Variants in EPC2 observed in about 807,000 individuals in gnomAD.
The protein encoded by EPC2 is enhancer of polycomb homolog 2.
Under a neutral mutation model 92.1 loss-of-function variants are expected in EPC2, and 14 were observed. That is an observed-to-expected ratio of 0.15 (90% CI 0.10 to 0.24). EPC2 has a LOEUF of 0.24. Ranked by LOEUF, EPC2 falls within the 10% of genes least tolerant of loss-of-function variation. The pLI is 1.00. For missense variants in EPC2, 755 were observed against 971.5 expected (o/e 0.78, Z 2.96); for synonymous variants, 340 against 334.7 (o/e 1.02, Z -0.17).
intron 10 of EPC2, 55 bp downstream of exon 10, chr2:148,771,442 AT>A: frequency 7.0e-7 from 1 of 1,438,256 alleles, no homozygotes; most frequent in South Asian, 1.4e-5. Context: ...ACTTAATTTT[AT>A]TGGGAAAGGA....
chr2:148,740,766 A>C (rs555105837), intron 2 of EPC2, among the ~76,000 whole-genome samples: 1 of 152,300 alleles, frequency 6.6e-6, no homozygotes, highest in South Asian at 2.1e-4. Context: ...ATATTGTGTT[A>C]ACTCTGCTCC....
intron 4 of EPC2, among the ~76,000 whole-genome samples, chr2:148,757,793 C>A (rs935454778): frequency 6.6e-6 from 1 of 152,044 alleles, no homozygotes; most frequent in African/African-American, 2.4e-5. Context: ...CAAAATTGCG[C>A]CATTGCACTC....
chr2:148,784,515 G>C (rs1683822976), intron 12 of EPC2, among the ~76,000 whole-genome samples, 153 bp from the exon 13 acceptor site: 1 of 152,218 alleles, frequency 6.6e-6, no homozygotes, highest in Admixed American at 6.5e-5. Flanking sequence ...ATTCTACTTA[G>C]TGATCAGAAG....
At chr2:148,725,021 T>C (rs947478368) in intron 2 of EPC2, among the ~76,000 whole-genome samples, 4 of 152,100 alleles carry the variant, frequency 2.6e-5, no homozygotes, top group African/African-American at 9.7e-5. Flanking sequence ...GGCCTTGTTC[T>C]AGTAGTATTT....
intron 1 of EPC2, among the ~76,000 whole-genome samples, chr2:148,664,742 C>T (rs1236837560): frequency 6.6e-6 from 1 of 152,298 alleles, no homozygotes; most frequent in East Asian, 1.9e-4. Context: ...ACAGTATATA[C>T]TCTTTTTCTT....
At chr2:148,653,094 G>A (rs1485490630) in intron 1 of EPC2, among the ~76,000 whole-genome samples, 2 of 152,196 alleles carry the variant, frequency 1.3e-5, no homozygotes, top group Non-Finnish European at 2.9e-5. Context: ...AAGACTAAAT[G>A]TCTTGAGGGA....
chr2:148,748,163 A>T lies in EPC2; in HGVS notation c.459+4396A>T, dbSNP rs144475424. Among the ~76,000 whole-genome samples, 99 of 152,138 alleles carry T rather than the reference A, an allele frequency of 6.5e-4. 1 individual carries two copies. Among genetic ancestry groups the T allele is most frequent in the African/African-American group, 2.3e-3 (95 of 41,522 alleles). On this transcript the variant is annotated intron_variant, in intron 3 of 13. Coordinates refer to ENST00000258484, the MANE Select transcript of EPC2 (RefSeq NM_015630.4). ...AAACTTGTTCTCACAAGAATATTTA[A>T]GTGTATAGCACCTCCCCCTTCTCTC...
At chr2:148,671,725 T>C (rs188543821) in intron 1 of EPC2, among the ~76,000 whole-genome samples, 39 of 152,316 alleles carry the variant, frequency 2.6e-4, no homozygotes, top group Non-Finnish European at 1.3e-4. Context: ...TGGTAAACTT[T>C]TGTCCGTCCC....
chr2:148,690,064 A>T (rs1354580175), intron 1 of EPC2, 150 bp from the exon 2 acceptor site: 3 of 645,314 alleles, frequency 4.6e-6, no homozygotes, highest in Admixed American at 7.3e-5. Flanking sequence ...GAGAATGATG[A>T]CAATGTAACT....
intron 1 of EPC2, among the ~76,000 whole-genome samples, chr2:148,646,850 G>A (rs1411095144): frequency 6.6e-6 from 1 of 151,974 alleles, no homozygotes; most frequent in Admixed American, 6.6e-5. Context: ...GGTGGGTCAC[G>A]CCTGTAATCC....
chr2:148,730,992 G>A (rs1053219676), intron 2 of EPC2, among the ~76,000 whole-genome samples: 1 of 152,114 alleles, frequency 6.6e-6, no homozygotes, highest in Admixed American at 6.5e-5. Flanking sequence ...TCTTGTTTTT[G>A]ATAATTTATA....
Position 148,777,186 on chromosome 2 carries a change from A to G in EPC2, c.1721-4458A>G, listed in dbSNP as rs954044684. On this transcript the variant is annotated intron_variant, in intron 10 of 13. Transcript: ENST00000258484. ...AAGACACTGTCTCTTAAAAAAGAGA[A>G]AAAAAAAGAAAAGACACTCTTGTAA... Among the ~76,000 whole-genome samples the G allele has an allele frequency of 1.6e-4, 24 of 152,098 alleles. No homozygotes were observed. The South Asian group carries it at 2.7e-3, about 17-fold the overall frequency.
At chr2:148,665,317 C>T (rs1005697665) in intron 1 of EPC2, among the ~76,000 whole-genome samples, 1 of 152,298 alleles carries the variant, frequency 6.6e-6, no homozygotes, top group Admixed American at 6.5e-5. Flanking sequence ...TGAATATCAA[C>T]TAATGTTTTT....
chr2:148,744,786 G>T (rs1307976780), intron 3 of EPC2, among the ~76,000 whole-genome samples: 1 of 149,344 alleles, frequency 6.7e-6, no homozygotes. Context: ...ATATTAATGT[G>T]CTAATTGTTA....
intron 2 of EPC2, among the ~76,000 whole-genome samples, chr2:148,710,170 C>T (rs1682106018): frequency 6.6e-6 from 1 of 151,270 alleles, no homozygotes; most frequent in African/African-American, 2.4e-5. Flanking sequence ...CAAACAACAC[C>T]ATCAAAAAGT....
At chr2:148,666,377 C>G (rs1488309212) in intron 1 of EPC2, among the ~76,000 whole-genome samples, 1 of 152,130 alleles carries the variant, frequency 6.6e-6, no homozygotes, top group African/African-American at 2.4e-5. Flanking sequence ...CTCTGGAGTT[C>G]AAGTTATCCT....
intron 1 of EPC2, among the ~76,000 whole-genome samples, chr2:148,671,285 T>TG (rs1287859329): frequency 1.9e-4 from 27 of 143,570 alleles, no homozygotes; most frequent in South Asian, 1.1e-3. Flanking sequence ...TTGTGGATTG[T>TG]GATTTTTTTT....
At chr2:148,786,224 T>C in intron 13 of EPC2, 81 bp from the exon 14 acceptor site, 1 of 1,162,998 alleles carries the variant, frequency 8.6e-7, no homozygotes, top group South Asian at 1.4e-5. Flanking sequence ...TATGTAACAA[T>C]GTTTTTGTAA....
At chr2:148,758,620 T>A (rs1683239478) in intron 4 of EPC2, among the ~76,000 whole-genome samples, 1 of 152,128 alleles carries the variant, frequency 6.6e-6, no homozygotes, top group Non-Finnish European at 1.5e-5. Context: ...GGTATTGAAC[T>A]CCTGACCTCA....
Sources: allele counts gnomAD v4.1 joint callset (sites outside exome capture counted in the v4.1 genomes callset), GRCh38; gene constraint gnomAD v4.1.1; transcripts MANE v1.5; gene names NCBI Gene and HGNC (gene_info 2026-07-23, HGNC 2026-07-21).